Variants in FHL2 observed in about 807,000 individuals in gnomAD.
FHL2 encodes the protein four and a half LIM domains protein 2.
Under a neutral mutation model 32.7 loss-of-function variants are expected in FHL2, and 20 were observed. The observed-to-expected ratio is 0.61, with a 90% CI of 0.43 to 0.89. The LOEUF (loss-of-function observed/expected upper bound fraction) is 0.89. Ranked by LOEUF, FHL2 falls within the 40% of genes least tolerant of loss-of-function variation. The pLI is 0.00. For missense variants in FHL2, 311 were observed against 358.6 expected (o/e 0.87, Z 1.07); for synonymous variants, 123 against 128.1 (o/e 0.96, Z 0.27).
intron 2 of FHL2, 77 bp downstream of exon 2, chr2:105,396,570 C>A (rs1476132134): frequency 1.5e-6 from 2 of 1,322,190 alleles, no homozygotes; most frequent in Non-Finnish European, 2.2e-6. Context: ...GTCAAGTTGA[C>A]ACATGAAAGT....
chr2:105,383,071 A>G (rs1682017906), intron 3 of FHL2, among the ~76,000 whole-genome samples: 1 of 152,142 alleles, frequency 6.6e-6, no homozygotes, highest in African/African-American at 2.4e-5. Flanking sequence ...TTTTTAGTAG[A>G]GACGGGGTTT....
At chr2:105,378,155 T>G in intron 3 of FHL2, 1 of 471,188 alleles carries the variant, frequency 2.1e-6, no homozygotes, top group Non-Finnish European at 4.4e-6. Flanking sequence ...GACATGCACA[T>G]GGGTCCAAGG....
rs758618755 is a variant in FHL2 at position 105,363,329 on chromosome 2, T to G, written c.644A>C (p.Asp215Ala). The change falls in exon 6 of 7, where the codon GAC (aspartate) becomes GCC (alanine). Residue 215 changes from aspartate to alanine, a missense_variant. Asp to Ala is a moderately radical substitution (Grantham distance 126). Coordinates refer to ENST00000530340, the MANE Select transcript of FHL2 (RefSeq NM_001318895.3). Reference protein sequence around the residue: ...DFAYCLNCFCDLYAKKCAGCT... With the variant: ...DFAYCLNCFCALYAKKCAGCT... ...CCCAGCACACTTCTTGGCATACAAGTCACAGAAGCAGTTCAGGCAGTAGGC... is the reference window on the plus strand; with the variant it reads ...CCCAGCACACTTCTTGGCATACAAGGCACAGAAGCAGTTCAGGCAGTAGGC... The G allele has an allele frequency of 3.1e-6, 5 of 1,614,024 alleles. No homozygotes were observed. The highest frequency in any genetic ancestry group is 4.2e-6 in the Non-Finnish European group (5 of 1,180,024).
chr2:105,399,472 T>C (rs1264367884), upstream of FHL2: 1 of 1,536,186 alleles, frequency 6.5e-7, no homozygotes, highest in South Asian at 1.2e-5. Flanking sequence ...GCCTGGGATA[T>C]ATTTGCAAGG....
At chr2:105,424,306 G>A (rs1684193283) in intron 1 of FHL2, among the ~76,000 whole-genome samples, 1 of 152,150 alleles carries the variant, frequency 6.6e-6, no homozygotes, top group Non-Finnish European at 1.5e-5. Flanking sequence ...TCAGAGAAAC[G>A]CAAATCAAAA....
At chr2:105,359,129 G>T (rs970284770), downstream of FHL2, 1 of 152,114 alleles carries the variant, frequency 6.6e-6, no homozygotes, top group Non-Finnish European at 1.5e-5. Flanking sequence ...TAAATATTTT[G>T]TCCAGAATGA....
chr2:105,362,747 A>T (rs1680365765), intron 6 of FHL2, among the ~76,000 whole-genome samples: 2 of 152,198 alleles, frequency 1.3e-5, no homozygotes, highest in South Asian at 4.1e-4. Context: ...TCTAGTCCAG[A>T]AGCCTGGTCT....
Position 105,398,902 on chromosome 2 carries a change from C to T in FHL2, c.-136G>A, listed in dbSNP as rs188517187. On this transcript the variant is annotated 5_prime_UTR_variant, in exon 1 of 7. Coordinates refer to ENST00000530340, the MANE Select transcript of FHL2 (RefSeq NM_001318895.3). ...TGGGTCTCGCACCGGATTCGGCCCCCACTTCCGAGCCCTGGTGGCTAAGCC... is the reference window on the plus strand; with the variant it reads ...TGGGTCTCGCACCGGATTCGGCCCCTACTTCCGAGCCCTGGTGGCTAAGCC... 1.3e-5 allele frequency: 20 copies of T among 1,533,162 alleles called. 1 individual carries two copies. The African/African-American group carries it at 2.9e-4, about 22-fold the overall frequency. The allele number at this position is 1,533,162 out of a possible 1,614,324, so 95.0% of individuals were successfully genotyped here. A position where few individuals can be genotyped will look rare whatever the true frequency, so the allele number is the denominator to read the frequency against.
chr2:105,386,875 C>T (rs1255197000), intron 2 of FHL2, among the ~76,000 whole-genome samples: 6 of 150,700 alleles, frequency 4.0e-5, no homozygotes. Flanking sequence ...AGTGATTCTC[C>T]TGCCTCAGCC....
intron 3 of FHL2, among the ~76,000 whole-genome samples, chr2:105,383,795 A>G (rs1682085099): frequency 6.6e-6 from 1 of 152,244 alleles, no homozygotes; most frequent in African/African-American, 2.4e-5. Flanking sequence ...ATTATTTTTG[A>G]AAGTCAAGAA....
At chr2:105,360,542 G>C (rs371436181), downstream of FHL2, 1 of 152,414 alleles carries the variant, frequency 6.6e-6, no homozygotes, top group East Asian at 1.9e-4. Context: ...ATTTTTCGTA[G>C]AGACGGGGTT....
chr2:105,436,233 T>C (rs924160822), intron 1 of FHL2, among the ~76,000 whole-genome samples: 2 of 152,094 alleles, frequency 1.3e-5, no homozygotes, highest in African/African-American at 2.4e-5. Context: ...TTGTGGGGTG[T>C]GGAGGGCATG....
chr2:105,381,917 G>T (rs1253604185), intron 3 of FHL2, among the ~76,000 whole-genome samples: 1 of 152,146 alleles, frequency 6.6e-6, no homozygotes, highest in Non-Finnish European at 1.5e-5. Context: ...AGGGAGGCCT[G>T]TGTTACACCG....
chr2:105,399,486 A>G (rs1416993653), upstream of FHL2: 1 of 1,536,154 alleles, frequency 6.5e-7, no homozygotes, highest in Admixed American at 2.0e-5. Flanking sequence ...TGCAAGGTGG[A>G]CGTTTTTCCT....
intron 1 of FHL2, among the ~76,000 whole-genome samples, chr2:105,410,916 C>G (rs1450220495): frequency 1.3e-5 from 2 of 152,216 alleles, no homozygotes; most frequent in African/African-American, 4.8e-5. Context: ...AAGCCAAGTG[C>G]TGCACATAGA....
intron 1 of FHL2, among the ~76,000 whole-genome samples, chr2:105,408,575 T>G (rs1442950187): frequency 2.0e-5 from 3 of 152,222 alleles, no homozygotes; most frequent in African/African-American, 7.2e-5. Flanking sequence ...GACAGGTCAC[T>G]CTTCCTCACT....
At chr2:105,435,935 T>C (rs1385443765) in intron 1 of FHL2, among the ~76,000 whole-genome samples, 1 of 152,264 alleles carries the variant, frequency 6.6e-6, no homozygotes, top group Non-Finnish European at 1.5e-5. Flanking sequence ...ACAGATCAAG[T>C]ATGTTTTATG....
At chr2:105,377,394 G>T (rs1407926239) in intron 3 of FHL2, among the ~76,000 whole-genome samples, 2 of 152,190 alleles carry the variant, frequency 1.3e-5, no homozygotes, top group Non-Finnish European at 2.9e-5. Context: ...ACTTTGGGAG[G>T]CCGAGGCAGG....
intron 2 of FHL2, among the ~76,000 whole-genome samples, chr2:105,395,255 G>A (rs551774990): frequency 1.0e-3 from 156 of 152,340 alleles, no homozygotes; most frequent in African/African-American, 3.6e-3. Context: ...CTAGAATGGC[G>A]GGTGGCCTCG....
Sources: gnomAD v4.1 joint callset for allele counts (sites outside exome capture counted in the v4.1 genomes callset) on GRCh38, gnomAD v4.1.1 for gene constraint, MANE v1.5 for transcripts, NCBI Gene and HGNC (gene_info 2026-07-23, HGNC 2026-07-21) for gene names.